Variants in FAT4 observed in about 807,000 individuals in gnomAD.
FAT4 encodes the protein protocadherin Fat 4.
Under a neutral mutation model 303.9 loss-of-function variants are expected in FAT4, and 84 were observed. The observed-to-expected ratio is 0.28, with a 90% CI of 0.23 to 0.33. The LOEUF is 0.33. Among genes scored for constraint, FAT4 ranks in the 10% least tolerant of loss-of-function variants. The probability of loss-of-function intolerance (pLI) is 1.00; values close to 1 mark genes in which losing one functional copy is unlikely to be tolerated. For missense variants in FAT4, 6,005 were observed against 6,146.8 expected, an observed-to-expected ratio of 0.98 and a Z score of 0.77; for synonymous variants, 2,307 against 2,298.8, an observed-to-expected ratio of 1.00 and a Z score of -0.10.
chr4:125,472,537 T>C (rs75564153), intron 12 of FAT4, among the ~76,000 whole-genome samples: 3,758 of 152,282 alleles, frequency 0.025, 66 homozygotes, highest in Middle Eastern at 0.058. Flanking sequence ...AACTACCTTA[T>C]AATATTAATT....
In FAT4 at chr4:125,408,504, C is replaced by T. The variant is rs1417467657; in HGVS notation, c.5630C>T (p.Thr1877Ile). The T allele has an allele frequency of 1.2e-6, 2 of 1,613,142 alleles. No individual in the cohort carries two copies. The highest frequency in any genetic ancestry group is 8.5e-7 in the Non-Finnish European group (1 of 1,179,592). The part of the protein sequence containing the change: ...DDDSGVNGEI[T>I]YIVNEDDEDG... ...GACTCTGGTGTGAATGGAGAAATTA[C>T]ATATATTGTGAATGAAGATGATGAA... The change falls in exon 5 of 18, where the codon ACA becomes ATA. Residue 1877 changes from threonine to isoleucine, a missense_variant. Physicochemically the swap from Thr to Ile is moderately conservative, Grantham distance 89. Coordinates refer to ENST00000394329, the MANE Select transcript of FAT4 (RefSeq NM_001291303.3).
At chr4:125,330,204 C>A (rs759432874) in intron 2 of FAT4, among the ~76,000 whole-genome samples, 1 of 144,904 alleles carries the variant, frequency 6.9e-6, no homozygotes, top group Non-Finnish European at 1.5e-5. Flanking sequence ...GGACAACAAC[C>A]TCCCATACTT....
intron 2 of FAT4, among the ~76,000 whole-genome samples, chr4:125,354,768 A>G (rs1732363594): frequency 6.7e-6 from 1 of 149,764 alleles, no homozygotes; most frequent in African/African-American, 2.5e-5. Flanking sequence ...AAAAAAAAAA[A>G]CTGGTTAGAA....
At chr4:125,334,028 A>G (rs1731482050) in intron 2 of FAT4, among the ~76,000 whole-genome samples, 1 of 152,032 alleles carries the variant, frequency 6.6e-6, no homozygotes, top group African/African-American at 2.4e-5. Context: ...ATAAACTGAA[A>G]CAATAGGGTT....
rs543938999 is a variant in FAT4 at position 125,484,179 on chromosome 4, G to C, written c.12822+2441G>C. Among the ~76,000 whole-genome samples the C allele has an allele frequency of 5.3e-5, 8 of 152,126 alleles. No homozygotes were observed. The East Asian group carries it at 1.2e-3, about 22-fold the overall frequency. On this transcript the variant is annotated intron_variant, in intron 16 of 17. Transcript: ENST00000394329. ...ATTCCATGTGGCTAGAAGAGAGAGA[G>C]GGTGTCAGTGTCAGGTGTGGGCAGC...
intron 3 of FAT4, among the ~76,000 whole-genome samples, chr4:125,403,663 C>G (rs192664097): frequency 6.6e-6 from 1 of 152,052 alleles, no homozygotes; most frequent in Non-Finnish European, 1.5e-5. Context: ...CTAAATACAC[C>G]GCAAATAAAA....
At chr4:125,421,019 C>A (rs1333271350) in intron 7 of FAT4, among the ~76,000 whole-genome samples, 1 of 152,182 alleles carries the variant, frequency 6.6e-6, no homozygotes. Context: ...CAACCTTCGC[C>A]TCCCGGGTTC....
Position 125,490,469 on chromosome 4 carries a change from G to A in FAT4, c.13653G>A (p.Lys4551=), listed in dbSNP as rs750750206. The A allele has an allele frequency of 6.2e-7, 1 of 1,614,110 alleles. No homozygotes were observed. Residue 4551 remains lysine, a synonymous_variant, in exon 18 of 18, where the codon AAG becomes AAA. Coordinates refer to ENST00000394329, the MANE Select transcript of FAT4 (RefSeq NM_001291303.3). ...AGAAACCGAAGGAGAAGAAGAAAAA[G>A]GGAAGTGAGAACGTTGCTTTTGATG... The part of the protein sequence containing the change: ...EEKKPKEKKK[K]GSENVAFDDP...
At chr4:125,394,017 C>G (rs377292501) in intron 2 of FAT4, 1 of 779,242 alleles carries the variant, frequency 1.3e-6, no homozygotes, top group East Asian at 2.4e-5. Context: ...AAGTCAAGCA[C>G]AGATCTACCA....
At chr4:125,481,083 G>C (rs1727208102) in intron 15 of FAT4, among the ~76,000 whole-genome samples, 1 of 151,974 alleles carries the variant, frequency 6.6e-6, no homozygotes, top group South Asian at 2.1e-4. Context: ...ATACTTGATT[G>C]AACACTTCTT....
intron 2 of FAT4, among the ~76,000 whole-genome samples, chr4:125,378,853 GAGA>G (rs1733432479): frequency 6.6e-6 from 1 of 152,164 alleles, no homozygotes; most frequent in Non-Finnish European, 1.5e-5. Context: ...GCACTGAACT[GAGA>G]AGATTATTTT....
chr4:125,381,850 A>G (rs1323923042), intron 2 of FAT4, among the ~76,000 whole-genome samples: 2 of 152,198 alleles, frequency 1.3e-5, no homozygotes, highest in Non-Finnish European at 2.9e-5. Flanking sequence ...TTATCAGCTA[A>G]GTTGATTTAT....
chr4:125,377,757 C>T (rs1442413906), intron 2 of FAT4, among the ~76,000 whole-genome samples: 2 of 151,960 alleles, frequency 1.3e-5, no homozygotes. Context: ...CCTTGGCAAA[C>T]TCTCACAAAC....
At position 125,490,642 on chromosome 4, in the gene FAT4, G is replaced by C; in HGVS notation, c.13826G>C (p.Ser4609Thr). 1 of 1,614,080 alleles carries C rather than the reference G, an allele frequency of 6.2e-7. No homozygotes were observed. The change falls in exon 18 of 18, where the codon AGC (serine) becomes ACC (threonine). Residue 4609 changes from serine to threonine, a missense_variant. By Grantham distance (58) the Ser-to-Thr change is moderately conservative. Coordinates refer to ENST00000394329, the MANE Select transcript of FAT4 (RefSeq NM_001291303.3). Reference protein sequence around the residue: ...DIPHNSETIPSAPLASPEQEI... With the variant: ...DIPHNSETIPTAPLASPEQEI... ...CCTCACAACTCAGAAACCATCCCCAGCGCCCCTTTGGCATCTCCAGAGCAG... is the reference window on the plus strand; with the variant it reads ...CCTCACAACTCAGAAACCATCCCCACCGCCCCTTTGGCATCTCCAGAGCAG...
At chr4:125,410,198 T>A (rs772980829) in intron 5 of FAT4, among the ~76,000 whole-genome samples, 3 of 152,130 alleles carry the variant, frequency 2.0e-5, no homozygotes, top group Non-Finnish European at 2.9e-5. Context: ...GCAGTTAAAA[T>A]TGGGCACAAA....
intron 2 of FAT4, among the ~76,000 whole-genome samples, chr4:125,392,030 G>A (rs1018504351): frequency 6.6e-6 from 1 of 152,058 alleles, no homozygotes; most frequent in Admixed American, 6.6e-5. Flanking sequence ...GAATATAGAA[G>A]TCTCTAATTT....
chr4:125,459,214 A>G (rs1259889130), intron 10 of FAT4, among the ~76,000 whole-genome samples: 1 of 152,042 alleles, frequency 6.6e-6, no homozygotes, highest in Non-Finnish European at 1.5e-5. Context: ...AAATTATCGT[A>G]TCTTCATGGA....
chr4:125,398,703 G>A (rs747168073), intron 2 of FAT4, 81 bp from the exon 3 acceptor site: 6 of 1,406,078 alleles, frequency 4.3e-6, no homozygotes, highest in Admixed American at 1.8e-5. Flanking sequence ...TCTTGATTGC[G>A]TGGATTCCTG....
intron 16 of FAT4, among the ~76,000 whole-genome samples, chr4:125,486,032 A>T (rs1727398119): frequency 6.6e-6 from 1 of 152,188 alleles, no homozygotes; most frequent in Non-Finnish European, 1.5e-5. Context: ...TTATATTCTT[A>T]TCCACCCCAA....
Sources: gnomAD v4.1 joint callset for allele counts (sites outside exome capture counted in the v4.1 genomes callset) on GRCh38, gnomAD v4.1.1 for gene constraint, MANE v1.5 for transcripts, NCBI Gene and HGNC (gene_info 2026-07-23, HGNC 2026-07-21) for gene names.